The following CACNA1E variants were observed in gnomAD, a reference collection of about 807,000 sequenced individuals.
CACNA1E encodes the protein voltage-dependent R-type calcium channel subunit alpha-1E.
CACNA1E carries 40 observed loss-of-function variants against 259.2 expected under a neutral mutation model. That is an observed-to-expected ratio of 0.15 (90% confidence interval 0.12 to 0.20). CACNA1E has a LOEUF of 0.20. Among genes scored for constraint, CACNA1E ranks in the 10% least tolerant of loss-of-function variants. The pLI, the probability that CACNA1E is intolerant of heterozygous loss-of-function variation, is 1.00. For synonymous variants in CACNA1E, 1,104 were observed against 1,138.5 expected (o/e 0.97, Z 0.61); for missense variants, 1,874 against 3,040.1 (o/e 0.62, Z 9.02).
intron 1 of CACNA1E, among the ~76,000 whole-genome samples, chr1:181,500,000 T>C (rs1314293934): frequency 2.0e-5 from 3 of 152,212 alleles, no homozygotes; most frequent in Non-Finnish European, 2.9e-5. Context: ...TGTCACTGCA[T>C]TGACAAAGCC....
chr1:181,581,211 G>GAA (rs996798627), intron 6 of CACNA1E, among the ~76,000 whole-genome samples: 1 of 150,848 alleles, frequency 6.6e-6, no homozygotes, highest in African/African-American at 2.4e-5. Context: ...AAAAAGAAAA[G>GAA]AAAAAAAAAT....
intron 7 of CACNA1E, among the ~76,000 whole-genome samples, chr1:181,685,333 T>C (rs1222486651): frequency 6.6e-6 from 1 of 151,676 alleles, no homozygotes; most frequent in African/African-American, 2.4e-5. Flanking sequence ...ATATATATTA[T>C]ACCTCTCAAG....
At chr1:181,427,320 C>T (rs1404098842) in intron 2 of CACNA1E, among the ~76,000 whole-genome samples, 1 of 150,790 alleles carries the variant, frequency 6.6e-6, no homozygotes, top group Non-Finnish European at 1.5e-5. Context: ...TCTACCCCTG[C>T]CCGTCCCAAC....
At chr1:181,361,301 G>A (rs1653869646) in intron 1 of CACNA1E, among the ~76,000 whole-genome samples, 1 of 152,058 alleles carries the variant, frequency 6.6e-6, no homozygotes, top group Non-Finnish European at 1.5e-5. Flanking sequence ...GGAGCATAGG[G>A]AAATATGGAG....
chr1:181,676,170 A>C (rs1289127158), intron 7 of CACNA1E, among the ~76,000 whole-genome samples: 1 of 152,224 alleles, frequency 6.6e-6, no homozygotes, highest in Non-Finnish European at 1.5e-5. Flanking sequence ...AAGCATTGAG[A>C]AGTGCAGAAT....
rs556093610 is a variant in CACNA1E, at chr1:181,781,337, G to T, written c.5268-90G>T. 3.0e-5 allele frequency: 21 copies of T among 700,480 alleles called. No homozygotes were observed. The African/African-American group carries it at 3.5e-4, about 12-fold the overall frequency. 43.4% of individuals were successfully genotyped at this position (700,480 alleles called of 1,614,324 possible). A position where few individuals can be genotyped will look rare whatever the true frequency, so the allele number is the denominator to read the frequency against. ...GCCTATTCTCCTCTCCTATCTGTCT[G>T]CATCCTTCTCCCCACTTCCTTCTCC... On this transcript the variant is annotated intron_variant, in intron 38 of 47. Transcript: ENST00000367573.
chr1:181,650,564 A>G (rs1266707721), intron 6 of CACNA1E, among the ~76,000 whole-genome samples: 2 of 152,232 alleles, frequency 1.3e-5, no homozygotes, highest in Non-Finnish European at 2.9e-5. Context: ...CCCAAGCTCT[A>G]TTTCAAGGTT....
Position 181,530,209 on chromosome 1 carries a change from C to T in CACNA1E, c.512+18699C>T, listed in dbSNP as rs142162417. 4.5e-4 allele frequency among the ~76,000 whole-genome samples: 68 copies of T among 152,196 alleles called. No individual in the cohort carries two copies. The East Asian group carries it at 7.9e-3, about 18-fold the overall frequency. On this transcript the variant is annotated intron_variant, in intron 3 of 47. Transcript: ENST00000367573. The stretch of plus-strand genomic sequence containing the variant: ...TGCTTCTTCCTTATTTTTCTCTTGC[C>T]GCCGCCATGTTAAGAAGTGCCTTTC...
At chr1:181,688,205 T>G (rs773731421) in intron 7 of CACNA1E, among the ~76,000 whole-genome samples, 11 of 152,226 alleles carry the variant, frequency 7.2e-5, no homozygotes, top group Non-Finnish European at 1.3e-4. Flanking sequence ...AGGGTAGTAT[T>G]TATTATCCCT....
intron 38 of CACNA1E, among the ~76,000 whole-genome samples, chr1:181,778,584 C>T (rs530474947): frequency 2.6e-5 from 4 of 152,256 alleles, no homozygotes; most frequent in South Asian, 4.1e-4. Flanking sequence ...TTTTTCTGGA[C>T]GCTGACAGAG....
At chr1:181,343,959 C>T (rs994308347) in intron 1 of CACNA1E, among the ~76,000 whole-genome samples, 6 of 152,166 alleles carry the variant, frequency 3.9e-5, no homozygotes, top group Non-Finnish European at 5.9e-5. Context: ...CTTGTCCCTA[C>T]CCCCCTCACC....
chr1:181,530,318 A>G (rs541965582), intron 3 of CACNA1E, among the ~76,000 whole-genome samples: 7 of 152,340 alleles, frequency 4.6e-5, no homozygotes, highest in Non-Finnish European at 7.3e-5. Context: ...AGTTTCAGGT[A>G]TGTCTTTATC....
rs574530214 is a variant in CACNA1E at position 181,756,068 on chromosome 1, G to A, written c.4102G>A (p.Val1368Ile). The A allele has an allele frequency of 4.4e-5, 71 of 1,613,448 alleles. No individual in the cohort carries two copies. The highest frequency in any genetic ancestry group is 5.3e-5 in the Non-Finnish European group (63 of 1,179,606). ...IIWALLTLFTVSTGEGWPQVL... is the reference protein window; with the variant it reads ...IIWALLTLFTISTGEGWPQVL... ...CTGGGCCCTGCTGACCCTCTTCACC[G>A]TCTCCACAGGGGAAGGATGGCCTCA... Residue 1368 changes from valine (V) to isoleucine (I), a missense_variant, in exon 29 of 48, where the codon GTC (valine) becomes ATC (isoleucine). Val to Ile is a conservative substitution (Grantham distance 29, BLOSUM62 3). Transcript: ENST00000367573.
At chr1:181,689,700 G>T (rs987965859) in intron 7 of CACNA1E, among the ~76,000 whole-genome samples, 5 of 152,070 alleles carry the variant, frequency 3.3e-5, no homozygotes, top group Non-Finnish European at 7.4e-5. Context: ...TCTAATTGTG[G>T]TTTTGATTTG....
intron 39 of CACNA1E, 147 bp from the exon 40 acceptor site, chr1:181,783,532 G>C (rs2102832988): frequency 1.8e-6 from 1 of 553,892 alleles, no homozygotes; most frequent in South Asian, 2.7e-5. Context: ...GAGAAGCAGG[G>C]AGAGAAGGAC....
intron 6 of CACNA1E, among the ~76,000 whole-genome samples, chr1:181,598,943 T>A (rs528116183): frequency 1.7e-4 from 26 of 151,544 alleles, no homozygotes; most frequent in African/African-American, 2.9e-4. Context: ...TTTTTTTTTT[T>A]AAATTTCTAA....
At chr1:181,629,687 A>G (rs1186293891) in intron 6 of CACNA1E, among the ~76,000 whole-genome samples, 1 of 152,182 alleles carries the variant, frequency 6.6e-6, no homozygotes, top group East Asian at 1.9e-4. Context: ...TACATTTATA[A>G]GAAAAAGACA....
intron 18 of CACNA1E, among the ~76,000 whole-genome samples, chr1:181,730,577 G>A (rs1655370838): frequency 6.6e-6 from 1 of 152,264 alleles, no homozygotes; most frequent in Non-Finnish European, 1.5e-5. Context: ...CTCAAAGGCA[G>A]AGGTCACTGC....
chr1:181,538,058 G>A (rs1432723238), intron 3 of CACNA1E, among the ~76,000 whole-genome samples: 1 of 152,194 alleles, frequency 6.6e-6, no homozygotes, highest in African/African-American at 2.4e-5. Flanking sequence ...TAGTTGGACA[G>A]GGTGCCCTGT....
Sources: gnomAD v4.1 joint callset for allele counts (sites outside exome capture counted in the v4.1 genomes callset) on GRCh38, gnomAD v4.1.1 for gene constraint, MANE v1.5 for transcripts, NCBI Gene and HGNC (gene_info 2026-07-23, HGNC 2026-07-21) for gene names.